Variants in KLF13 observed in about 807,000 individuals in gnomAD.
KLF13 encodes KLF transcription factor 13.
KLF13 carries 8 observed loss-of-function variants against 16.7 expected under a neutral mutation model. That is an observed-to-expected ratio of 0.48 (90% CI 0.28 to 0.87). The LOEUF (loss-of-function observed/expected upper bound fraction) is 0.87, where lower values mean the gene tolerates loss of function less well. KLF13 is among the 40% of genes least tolerant of loss of function. The pLI is 0.10. For synonymous variants in KLF13, 245 were observed against 208.4 expected (o/e 1.18, Z -1.51); for missense variants, 447 against 452.2 (o/e 0.99, Z 0.10).
upstream of KLF13, among the ~76,000 whole-genome samples, chr15:31,391,256 G>A (rs369991014): frequency 1.5e-4 from 18 of 123,272 alleles, 1 homozygote; most frequent in East Asian, 3.9e-3. Flanking sequence ...GTGGGTGCTG[G>A]GTGTTGGGCT....
At chr15:31,395,949 C>T (rs959146016) in intron 2 of KLF13, among the ~76,000 whole-genome samples, 2 of 152,296 alleles carry the variant, frequency 1.3e-5, no homozygotes, top group South Asian at 2.1e-4. Context: ...TGGACATTCA[C>T]CAGCTTTTCT....
chr15:31,421,891 A>T (rs921764973), intron 1 of KLF13, among the ~76,000 whole-genome samples: 1 of 152,166 alleles, frequency 6.6e-6, no homozygotes. Context: ...GGACGGGCAG[A>T]TCACCTGAGG....
At position 31,424,576 on chromosome 15, in the gene KLF13, C is replaced by G. The variant is rs1277639989; in HGVS notation, n.118-10794C>G. On this transcript the variant is annotated intron_variant and non_coding_transcript_variant, in intron 1 of 1. Transcript: ENST00000558225. The stretch of plus-strand genomic sequence containing the variant: ...AAAGCCTTAGAAAAAAATTCTACAC[C>G]CTTTCATGATAAAAACACCTGACAA... Among the ~76,000 whole-genome samples the G allele has an allele frequency of 3.3e-5, 5 of 151,962 alleles. No homozygotes were observed. The East Asian group carries it at 5.8e-4, about 18-fold the overall frequency.
chr15:31,338,953 G>A (rs2038978867), intron 1 of KLF13, among the ~76,000 whole-genome samples: 1 of 152,208 alleles, frequency 6.6e-6, no homozygotes, highest in East Asian at 1.9e-4. Flanking sequence ...CCTGAGGAGG[G>A]AGGGTGAAGG....
At chr15:31,388,423 C>A (rs148283875), upstream of KLF13, among the ~76,000 whole-genome samples, 7 of 152,040 alleles carry the variant, frequency 4.6e-5, no homozygotes, top group African/African-American at 1.7e-4. Flanking sequence ...ACCAGCCTGA[C>A]CAACATGGAG....
downstream of KLF13, among the ~76,000 whole-genome samples, chr15:31,380,879 A>G (rs1319389285): frequency 6.6e-6 from 1 of 152,186 alleles, no homozygotes; most frequent in Admixed American, 6.5e-5. Context: ...GCCTGTATTA[A>G]TTGCCAGTTG....
chr15:31,433,203 C>T (rs2040493176), intron 1 of KLF13, among the ~76,000 whole-genome samples: 1 of 152,188 alleles, frequency 6.6e-6, no homozygotes, highest in Non-Finnish European at 1.5e-5. Flanking sequence ...TTAGGCTACC[C>T]ACTGAGTACT....
At chr15:31,339,963 G>C in intron 1 of KLF13, 1 of 702,400 alleles carries the variant, frequency 1.4e-6, no homozygotes, top group Non-Finnish European at 2.6e-6. Flanking sequence ...CTTGTAAAGA[G>C]TCACCTGCCC....
intron 1 of KLF13, among the ~76,000 whole-genome samples, chr15:31,337,029 T>C (rs2038940209): frequency 1.3e-5 from 2 of 152,210 alleles, no homozygotes; most frequent in African/African-American, 2.4e-5. Flanking sequence ...TGGTCTTGCT[T>C]TGCATAGTTT....
chr15:31,412,245 T>G (rs2040204544), intron 1 of KLF13, among the ~76,000 whole-genome samples: 1 of 152,236 alleles, frequency 6.6e-6, no homozygotes. Context: ...CCAAATGTGC[T>G]AGCACCTTGA....
intron 1 of KLF13, among the ~76,000 whole-genome samples, chr15:31,419,179 T>A (rs888119992): frequency 1.2e-4 from 19 of 152,072 alleles, no homozygotes; most frequent in African/African-American, 4.6e-4. Flanking sequence ...GATCATTCCT[T>A]GTATAAAGCC....
intron 1 of KLF13, among the ~76,000 whole-genome samples, chr15:31,357,860 G>A (rs948950586): frequency 6.6e-6 from 1 of 152,146 alleles, no homozygotes; most frequent in Non-Finnish European, 1.5e-5. Flanking sequence ...AACGTGGATT[G>A]CTTCCTTGCC....
At chr15:31,424,806 TC>T in intron 1 of KLF13, among the ~76,000 whole-genome samples, 1 of 151,902 alleles carries the variant, frequency 6.6e-6, no homozygotes, top group East Asian at 1.9e-4. Flanking sequence ...ACTAAAGGCA[TC>T]TAAATCTGAA....
chr15:31,398,034 G>A (rs1304672003), intron 2 of KLF13, among the ~76,000 whole-genome samples: 2 of 152,154 alleles, frequency 1.3e-5, no homozygotes, highest in Non-Finnish European at 2.9e-5. Context: ...GCAGTCCGGG[G>A]CCAGTAATTA....
At chr15:31,422,937 TG>T (rs1462755217) in intron 1 of KLF13, among the ~76,000 whole-genome samples, 1 of 151,302 alleles carries the variant, frequency 6.6e-6, no homozygotes, top group African/African-American at 2.4e-5. Context: ...CTCAGGGGGC[TG>T]AGGCAGGAGA....
chr15:31,327,492 A>T lies in KLF13; in HGVS notation c.280A>T (p.Thr94Ser). Reference protein sequence around the residue: ...REGAAARKARTPCRLPPPAPE... With the variant: ...REGAAARKARSPCRLPPPAPE... Reference sequence around the variant, plus strand: ...GGGCGCCGCGGCCCGGAAGGCGAGGACCCCCTGCCGCCTGCCGCCGCCCGC... The same window carrying T: ...GGGCGCCGCGGCCCGGAAGGCGAGGTCCCCCTGCCGCCTGCCGCCGCCCGC... Residue 94 changes from threonine to serine, a missense_variant, in exon 1 of 2, where the codon ACC becomes TCC. Thr to Ser is a moderately conservative substitution (Grantham distance 58). Transcript: ENST00000307145. 1 of 1,178,684 alleles carries T rather than the reference A, an allele frequency of 8.5e-7. No homozygotes were observed. The highest frequency in any genetic ancestry group is 3.9e-5 in the East Asian group (1 of 25,946). The allele number at this position is 1,178,684 out of a possible 1,614,324, so 73.0% of individuals were successfully genotyped here.
chr15:31,422,155 AG>A (rs2040335917), intron 1 of KLF13, among the ~76,000 whole-genome samples: 1 of 152,020 alleles, frequency 6.6e-6, no homozygotes, highest in South Asian at 2.1e-4. Flanking sequence ...AAAAGAAAAA[AG>A]AAATAGAGTG....
intron 1 of KLF13, 108 bp downstream of exon 1, chr15:31,327,897 C>G: frequency 8.8e-7 from 1 of 1,137,052 alleles, no homozygotes; most frequent in Non-Finnish European, 1.1e-6. Context: ...GCCGGGCGGG[C>G]CGGAACGCCC....
chr15:31,335,437 G>C (rs951688625), intron 1 of KLF13, among the ~76,000 whole-genome samples: 1 of 66,910 alleles, frequency 1.5e-5, no homozygotes, highest in Non-Finnish European at 3.4e-5. Context: ...GTGTGTGTAT[G>C]TGTGTGTGTG....
Sources: allele counts gnomAD v4.1 joint callset (sites outside exome capture counted in the v4.1 genomes callset), GRCh38; gene constraint gnomAD v4.1.1; transcripts MANE v1.5; gene names NCBI Gene and HGNC (gene_info 2026-07-23, HGNC 2026-07-21).